The following SAMD10 variants were observed in gnomAD, a reference collection of about 807,000 sequenced individuals.
SAMD10 encodes the protein sterile alpha motif domain containing 10.
Under a neutral mutation model 22.5 loss-of-function variants are expected in SAMD10, and 16 were observed. That is an observed-to-expected ratio of 0.71 (90% CI 0.48 to 1.08). The LOEUF is 1.08. SAMD10 is among the 50% of genes least tolerant of loss of function. The pLI is 0.00. For synonymous variants in SAMD10, 118 were observed against 122.2 expected (o/e 0.97, Z 0.23); for missense variants, 227 against 281.3 (o/e 0.81, Z 1.38).
intron 3 of SAMD10, among the ~76,000 whole-genome samples, chr20:63,976,494 G>A (rs2059023151): frequency 6.6e-6 from 1 of 151,630 alleles, no homozygotes; most frequent in Non-Finnish European, 1.5e-5. Context: ...CGGACGCAGT[G>A]GCTCACACCT....
chr20:63,978,467 C>T (rs1451555205), intron 1 of SAMD10: 2 of 394,012 alleles, frequency 5.1e-6, no homozygotes, highest in African/African-American at 2.1e-5. Context: ...GGGCCCTCAT[C>T]CCATCCACCC....
In SAMD10 at chr20:63,977,415, G is replaced by A; in HGVS notation, c.92-9C>T. On this transcript the variant is annotated splice_polypyrimidine_tract_variant and intron_variant, in intron 1 of 4. Transcript: ENST00000369886. The surrounding 1 kb of genome is among the most constrained non-coding windows in gnomAD (Gnocchi z 5.4). ...GCTGAAGTGGGCAGTGGCTGTGTGT[G>A]GGGGTGCCTGGTCAGGGCAGTCAAG... 9 of 1,612,262 alleles carry A rather than the reference G, an allele frequency of 5.6e-6. No homozygotes were observed. The highest frequency in any genetic ancestry group is 7.6e-6 in the Non-Finnish European group (9 of 1,179,688).
rs2059034118 is a variant in SAMD10 at position 63,977,590 on chromosome 20, G to C, written c.92-184C>G. The stretch of plus-strand genomic sequence containing the variant: ...GGACCTGTTTCGAGGACCTCACCCA[G>C]CACAAAAAGAGAAGAACTGGAAACA... On this transcript the variant is annotated intron_variant, in intron 1 of 4. Coordinates refer to ENST00000369886, the MANE Select transcript of SAMD10 (RefSeq NM_080621.5). The surrounding 1 kb of genome is among the most constrained non-coding windows in gnomAD (Gnocchi z 5.4). Among the ~76,000 whole-genome samples, 1 of 152,202 alleles carries C rather than the reference G, an allele frequency of 6.6e-6. No homozygotes were observed. Among genetic ancestry groups the C allele is most frequent in the Non-Finnish European group, 1.5e-5 (1 of 68,024 alleles).
chr20:63,975,393 C>A lies in SAMD10; in HGVS notation c.*117G>T. Reference sequence around the variant, plus strand: ...TGGTCCTGTCTGTCCGTTGGGCCAGCCTGGCCGCCCCGGCATCCCGCAGGG... The same window carrying A: ...TGGTCCTGTCTGTCCGTTGGGCCAGACTGGCCGCCCCGGCATCCCGCAGGG... On this transcript the variant is annotated 3_prime_UTR_variant, in exon 5 of 5. Transcript: ENST00000369886. 2.3e-6 allele frequency: 3 copies of A among 1,331,784 alleles called. No individual in the cohort carries two copies. Among genetic ancestry groups the A allele is most frequent in the African/African-American group, 1.5e-5 (1 of 67,180 alleles). The allele number at this position is 1,331,784 out of a possible 1,614,324, so 82.5% of individuals were successfully genotyped here. A position where few individuals can be genotyped will look rare whatever the true frequency, so the allele number is the denominator to read the frequency against.
rs1304156366 is a variant in SAMD10 at position 63,974,488 on chromosome 20, G to C, written c.*1022C>G. 1 of 152,842 alleles carries C rather than the reference G, an allele frequency of 6.5e-6. No homozygotes were observed. Among genetic ancestry groups the C allele is most frequent in the Non-Finnish European group, 1.5e-5 (1 of 68,228 alleles). The allele number at this position is 152,842 out of a possible 1,614,324, so 9.5% of individuals were successfully genotyped here. A position where few individuals can be genotyped will look rare whatever the true frequency, so the allele number is the denominator to read the frequency against. On this transcript the variant is annotated 3_prime_UTR_variant, in exon 5 of 5. Transcript: ENST00000369886. ...GTCCCTGAGATTTTCAGAAGCCACA[G>C]GGGGACTGGGAGAGGGCAGAGGCGC...
At chr20:63,978,405 A>G in intron 1 of SAMD10, 1 of 850,600 alleles carries the variant, frequency 1.2e-6, no homozygotes, top group Non-Finnish European at 1.7e-6. Flanking sequence ...CCCTGTCTTT[A>G]CAGCACCCTA....
chr20:63,979,557 G>T lies in SAMD10; in HGVS notation c.-90C>A, dbSNP rs1044342128. ...GGCGGGGAACGCGCGCCGCCGCCCC[G>T]CCCCGCCCCAGCCGGCCCCGCGCCC... is the stretch of plus-strand genomic sequence containing the variant. On this transcript the variant is annotated 5_prime_UTR_variant, in exon 1 of 5. Transcript: ENST00000369886. This position sits in a 1 kb window ranked among gnomAD's most constrained non-coding sequence, Gnocchi z 7.7. 2.0e-6 allele frequency: 2 copies of T among 992,114 alleles called. No homozygotes were observed. The highest frequency in any genetic ancestry group is 2.4e-6 in the Non-Finnish European group (2 of 835,664). The allele number at this position is 992,114 out of a possible 1,614,324, so 61.5% of individuals were successfully genotyped here. A position where few individuals can be genotyped will look rare whatever the true frequency, so the allele number is the denominator to read the frequency against.
Position 63,977,552 on chromosome 20 carries a change from A to G in SAMD10, c.92-146T>C. On this transcript the variant is annotated intron_variant, in intron 1 of 4. Coordinates refer to ENST00000369886, the MANE Select transcript of SAMD10 (RefSeq NM_080621.5). The surrounding 1 kb of genome is among the most constrained non-coding windows in gnomAD (Gnocchi z 5.4). ...GGGGTTCCCAAGCCTCCAAAGGCAG[A>G]AGGAAGTGTGCAGGACCTGTTTCGA... 1 of 799,524 alleles carries G rather than the reference A, an allele frequency of 1.3e-6. No individual in the cohort carries two copies. Among genetic ancestry groups the G allele is most frequent in the Non-Finnish European group, 2.0e-6 (1 of 501,032 alleles). 49.5% of individuals were successfully genotyped at this position (799,524 alleles called of 1,614,324 possible).
intron 3 of SAMD10, 77 bp from the exon 4 acceptor site, chr20:63,975,909 A>G: frequency 7.0e-7 from 1 of 1,426,376 alleles, no homozygotes; most frequent in Non-Finnish European, 9.2e-7. Context: ...GCCATGGCTC[A>G]TGCCTGTGAT....
chr20:63,975,774 C>T lies in SAMD10; in HGVS notation c.504G>A (p.Glu168=), dbSNP rs539174650. The part of the protein sequence containing the change: ...EKLQRMGLAQ[E]AQRQEVLQQV... Reference sequence around the variant, plus strand: ...GCTGCAGCACCTCCTGCCTCTGGGCCTCCTGGGCCAGCCCCATCCGCTGCA... The same window carrying T: ...GCTGCAGCACCTCCTGCCTCTGGGCTTCCTGGGCCAGCCCCATCCGCTGCA... The change falls in exon 4 of 5, where the codon GAG becomes GAA. Residue 168 remains glutamate, a synonymous_variant. Transcript: ENST00000369886. 7.5e-6 allele frequency: 12 copies of T among 1,604,992 alleles called. No individual in the cohort carries two copies. In the South Asian group the frequency reaches 1.2e-4, roughly 16 times the overall value.
At position 63,974,988 on chromosome 20, in the gene SAMD10, T is replaced by C. The variant is rs1170442374; in HGVS notation, c.*522A>G. The C allele has an allele frequency of 1.8e-5, 3 of 171,416 alleles. No individual in the cohort carries two copies. The highest frequency in any genetic ancestry group is 7.2e-5 in the African/African-American group (3 of 41,550). The allele number at this position is 171,416 out of a possible 1,614,324, so 10.6% of individuals were successfully genotyped here. ...CACTACTCTAGATGATGGGTTGGCC[T>C]GCTGGGCCCTGGCAGGTGCATGGGC... On this transcript the variant is annotated 3_prime_UTR_variant, in exon 5 of 5. Coordinates refer to ENST00000369886, the MANE Select transcript of SAMD10 (RefSeq NM_080621.5).
At position 63,976,994 on chromosome 20, in the gene SAMD10, G is replaced by A. The variant is rs534452894; in HGVS notation, c.422C>T (p.Ala141Val). 2.5e-6 allele frequency: 4 copies of A among 1,614,138 alleles called. No individual in the cohort carries two copies. Among genetic ancestry groups the A allele is most frequent in the African/African-American group, 2.7e-5 (2 of 75,032 alleles). ...CPHNYLVYVE[A>V]FSQHAITGRA... ...ACCGGTGATGGCATGCTGGGAGAAG[G>A]CCTCCACGTAGACGAGGTAGTTGTG... is the stretch of plus-strand genomic sequence containing the variant. Residue 141 changes from alanine to valine, a missense_variant, in exon 3 of 5, where the codon GCC becomes GTC. Transcript: ENST00000369886.
chr20:63,978,774 C>T (rs1015952535), intron 1 of SAMD10, among the ~76,000 whole-genome samples: 2 of 152,218 alleles, frequency 1.3e-5, no homozygotes, highest in African/African-American at 4.8e-5. Context: ...ATTCTAAGCC[C>T]GCGCCTTCCA....
chr20:63,975,334 A>G lies in SAMD10; in HGVS notation c.*176T>C. 1.5e-6 allele frequency: 1 copy of G among 673,866 alleles called. No homozygotes were observed. 41.7% of individuals were successfully genotyped at this position (673,866 alleles called of 1,614,324 possible). On this transcript the variant is annotated 3_prime_UTR_variant, in exon 5 of 5. Coordinates refer to ENST00000369886, the MANE Select transcript of SAMD10 (RefSeq NM_080621.5). ...CACCCAGCCCCAGGGCACGACCTGG[A>G]ATGTCCAACCAGAGGCGCCTGGAGG... is the stretch of plus-strand genomic sequence containing the variant.
intron 3 of SAMD10, 107 bp downstream of exon 3, chr20:63,976,864 A>T (rs2059026802): frequency 9.1e-7 from 1 of 1,098,424 alleles, no homozygotes; most frequent in South Asian, 1.4e-5. Context: ...CACAGGAGAA[A>T]CTAGACAGAC....
At position 63,979,240 on chromosome 20, in the gene SAMD10, C is replaced by T. The variant is rs1601501683; in HGVS notation, c.91+137G>A. On this transcript the variant is annotated intron_variant, in intron 1 of 4. Coordinates refer to ENST00000369886, the MANE Select transcript of SAMD10 (RefSeq NM_080621.5). The surrounding 1 kb of genome is among the most constrained non-coding windows in gnomAD (Gnocchi z 7.7). The stretch of plus-strand genomic sequence containing the variant: ...AAGCAGGACAAAGGCTACGGGACCC[C>T]GTTGAGCCGAGACATCCGCCGAATA... The T allele has an allele frequency of 5.0e-6, 3 of 595,170 alleles. No individual in the cohort carries two copies. The highest frequency in any genetic ancestry group is 8.0e-6 in the Non-Finnish European group (3 of 375,674). The allele number at this position is 595,170 out of a possible 1,614,324, so 36.9% of individuals were successfully genotyped here. A position where few individuals can be genotyped will look rare whatever the true frequency, so the allele number is the denominator to read the frequency against.
Position 63,977,503 on chromosome 20 carries a change from T to C in SAMD10, c.92-97A>G. 7.8e-7 allele frequency: 1 copy of C among 1,285,146 alleles called. No homozygotes were observed. Among genetic ancestry groups the C allele is most frequent in the Non-Finnish European group, 1.1e-6 (1 of 920,612 alleles). 79.6% of individuals were successfully genotyped at this position (1,285,146 alleles called of 1,614,324 possible). On this transcript the variant is annotated intron_variant, in intron 1 of 4. Coordinates refer to ENST00000369886, the MANE Select transcript of SAMD10 (RefSeq NM_080621.5). The surrounding 1 kb of genome is among the most constrained non-coding windows in gnomAD (Gnocchi z 5.4). ...CCCTGCCCCATCTCCTCCACACTAGTGCGGGAAATCACCTCCCCAATGAGG... is the reference window on the plus strand; with the variant it reads ...CCCTGCCCCATCTCCTCCACACTAGCGCGGGAAATCACCTCCCCAATGAGG...
chr20:63,976,717 GCACC>G (rs1569206098), intron 3 of SAMD10, among the ~76,000 whole-genome samples: 1 of 127,814 alleles, frequency 7.8e-6, no homozygotes. Flanking sequence ...AGCCAAGATC[GCACC>G]ATTTCACTCA....
At chr20:63,976,231 AG>A (rs1483276013) in intron 3 of SAMD10, among the ~76,000 whole-genome samples, 1 of 152,154 alleles carries the variant, frequency 6.6e-6, no homozygotes, top group African/African-American at 2.4e-5. Flanking sequence ...GGACTGAAAG[AG>A]AAAAAGGGAG....
Sources: allele counts gnomAD v4.1 joint callset (sites outside exome capture counted in the v4.1 genomes callset), GRCh38; gene constraint gnomAD v4.1.1; non-coding constraint Gnocchi (gnomAD v3.1); transcripts MANE v1.5; gene names NCBI Gene and HGNC (gene_info 2026-07-23, HGNC 2026-07-21).